Variants in FYCO1 observed in about 807,000 individuals in gnomAD.
FYCO1 encodes the protein FYVE and coiled-coil domain autophagy adaptor 1.
A neutral mutation model predicts 165.1 loss-of-function variants in FYCO1; 122 were observed. That is an observed-to-expected ratio of 0.74 (90% CI 0.64 to 0.86). The LOEUF (loss-of-function observed/expected upper bound fraction) is 0.86, where lower values mean the gene tolerates loss of function less well. Ranked by LOEUF, FYCO1 falls within the 40% of genes least tolerant of loss-of-function variation. FYCO1 has a pLI of 0.00. For missense variants in FYCO1, 1,702 were observed against 1,810.3 expected (o/e 0.94, Z 1.09); for synonymous variants, 648 against 742.5 (o/e 0.87, Z 2.07).
chr3:45,956,382 G>T (rs796219934), intron 13 of FYCO1, among the ~76,000 whole-genome samples: 23 of 146,560 alleles, frequency 1.6e-4, no homozygotes, highest in African/African-American at 5.8e-4. Flanking sequence ...ATAAATAAAT[G>T]AGTAGACAGG....
chr3:45,966,827 G>A lies in FYCO1; in HGVS notation c.2507C>T (p.Ala836Val). ...CTCCTGGACATGGGCTCTGTTAAGG[G>A]CTTCATTCTGCTCCTTCAGCTGCTG... ...LVQQLKEQNE[A>V]LNRAHVQELL... Residue 836 changes from alanine to valine, a missense_variant, in exon 8 of 18, where the codon GCC becomes GTC. Coordinates refer to ENST00000296137, the MANE Select transcript of FYCO1 (RefSeq NM_024513.4). 1 of 1,611,030 alleles carries A rather than the reference G, an allele frequency of 6.2e-7. No individual in the cohort carries two copies. Among genetic ancestry groups the A allele is most frequent in the Non-Finnish European group, 8.5e-7 (1 of 1,180,026 alleles).
chr3:45,980,933 T>C (rs1468024686), intron 3 of FYCO1, among the ~76,000 whole-genome samples: 2 of 152,248 alleles, frequency 1.3e-5, no homozygotes, highest in African/African-American at 2.4e-5. Context: ...CAGTGTTTTT[T>C]ACATCAGCAC....
intron 16 of FYCO1, 134 bp downstream of exon 16, chr3:45,930,934 CATG>C: frequency 1.2e-6 from 1 of 822,618 alleles, no homozygotes; most frequent in East Asian, 2.7e-5. Context: ...GCCTTCTCTG[CATG>C]ATACTGCCCA....
intron 14 of FYCO1, among the ~76,000 whole-genome samples, chr3:45,937,889 T>G (rs995541138): frequency 6.6e-6 from 1 of 152,060 alleles, no homozygotes; most frequent in African/African-American, 2.4e-5. Flanking sequence ...ACAGGGAACA[T>G]CAGTGCAAGA....
chr3:45,966,749 T>C lies in FYCO1; in HGVS notation c.2585A>G (p.Glu862Gly), dbSNP rs1706048228. 6 of 1,610,762 alleles carry C rather than the reference T, an allele frequency of 3.7e-6. No homozygotes were observed. The highest frequency in any genetic ancestry group is 5.1e-6 in the Non-Finnish European group (6 of 1,179,946). Reference protein sequence around the residue: ...EGALQEERADEAQQREEELRA... With the variant: ...EGALQEERADGAQQREEELRA... ...CAGCTCCTCCTCCCTCTGCTGGGCC[T>C]CATCGGCCCTCTCCTCCTGCAGTGC... The change falls in exon 8 of 18, where the codon GAG becomes GGG. Residue 862 changes from glutamate to glycine, a missense_variant. Coordinates refer to ENST00000296137, the MANE Select transcript of FYCO1 (RefSeq NM_024513.4).
chr3:45,946,293 C>T, intron 14 of FYCO1: 1 of 573,472 alleles, frequency 1.7e-6, no homozygotes, highest in Non-Finnish European at 3.1e-6. Context: ...AGCAATTTCC[C>T]CTCAGAATTG....
chr3:45,972,946 G>C (rs917742253), intron 6 of FYCO1, 142 bp downstream of exon 6: 3 of 862,380 alleles, frequency 3.5e-6, no homozygotes, highest in Non-Finnish European at 5.6e-6. Context: ...AACAAAGTCT[G>C]TAAAAGGAGC....
At chr3:45,955,798 G>A (rs980603649) in intron 13 of FYCO1, among the ~76,000 whole-genome samples, 1 of 152,224 alleles carries the variant, frequency 6.6e-6, no homozygotes, top group Non-Finnish European at 1.5e-5. Flanking sequence ...ACTTATTCAT[G>A]TATTTTTGAA....
In FYCO1 at chr3:45,962,270, T is replaced by G. The variant is rs140583835; in HGVS notation, c.3392A>C (p.Asn1131Thr). The change falls in exon 11 of 18, where the codon AAC (asparagine) becomes ACC (threonine). Residue 1131 changes from asparagine (N) to threonine (T), a missense_variant. Transcript: ENST00000296137. The surrounding 1 kb of genome is among the most constrained non-coding windows in gnomAD (Gnocchi z 4.4). ...CTCCTCGAGATACTTCTTGGTTCTG[T>G]TGAGGTCATCCAGGTCAGCAAGCAT... ...QKMLADLDDL[N>T]RTKKYLEERL... 126 of 1,614,238 alleles carry G rather than the reference T, an allele frequency of 7.8e-5. No individual in the cohort carries two copies. In the African/African-American group the frequency reaches 1.5e-3, roughly 19 times the overall value.
rs55911763 is a variant in FYCO1, at chr3:45,937,925, G to A, written c.3945-1382C>T. ...AGCTGCTCAAGGAGCCAGCTTGTGC[G>A]GCCACCCACTTGACAGCAGGGAAGC... On this transcript the variant is annotated intron_variant, in intron 14 of 17. Transcript: ENST00000296137. Among the ~76,000 whole-genome samples, 268 of 152,242 alleles carry A rather than the reference G, an allele frequency of 1.8e-3. 1 individual carries two copies. Among genetic ancestry groups the A allele is most frequent in the Non-Finnish European group, 2.4e-3 (165 of 68,028 alleles).
chr3:45,956,773 A>T (rs1364004158), intron 13 of FYCO1, among the ~76,000 whole-genome samples: 2 of 152,224 alleles, frequency 1.3e-5, no homozygotes, highest in Admixed American at 1.3e-4. Flanking sequence ...AGAAAGTTGT[A>T]TCATGTTCAT....
rs561106505 is a variant in FYCO1, at chr3:45,920,233, G to A, written c.*1532C>T. On this transcript the variant is annotated 3_prime_UTR_variant, in exon 18 of 18. Coordinates refer to ENST00000296137, the MANE Select transcript of FYCO1 (RefSeq NM_024513.4). ...TGGGTTTGGGGTCTCTGTTGGACTT[G>A]GCCTGGAGTCCCTGACCCATTCTCA... The A allele has an allele frequency of 6.6e-6, 1 of 152,338 alleles. No homozygotes were observed. The highest frequency in any genetic ancestry group is 6.5e-5 in the Admixed American group (1 of 15,298). 9.4% of individuals were successfully genotyped at this position (152,338 alleles called of 1,614,324 possible).
At chr3:45,987,298 C>T (rs1707358317) in intron 1 of FYCO1, among the ~76,000 whole-genome samples, 2 of 152,154 alleles carry the variant, frequency 1.3e-5, no homozygotes, top group Non-Finnish European at 2.9e-5. Context: ...GCCTTGATTA[C>T]GGTGATGGTT....
intron 3 of FYCO1, among the ~76,000 whole-genome samples, chr3:45,980,105 T>G (rs530076755): frequency 2.6e-4 from 40 of 152,168 alleles, no homozygotes; most frequent in African/African-American, 9.6e-4. Context: ...ATCCAGCACT[T>G]TGGGAGGCTG....
intron 14 of FYCO1, among the ~76,000 whole-genome samples, chr3:45,944,086 T>C (rs1704421682): frequency 6.6e-6 from 1 of 152,130 alleles, no homozygotes; most frequent in Admixed American, 6.5e-5. Context: ...TAAAATCACA[T>C]AGTTTATCAT....
At chr3:45,969,471 T>C (rs566752001) in intron 7 of FYCO1, among the ~76,000 whole-genome samples, 13 of 152,194 alleles carry the variant, frequency 8.5e-5, no homozygotes, top group Non-Finnish European at 1.8e-4. Context: ...TTTAAAATCA[T>C]TTAGAAGAAT....
Position 45,979,756 on chromosome 3 carries a change from G to A in FYCO1, c.237C>T (p.Ala79=), listed in dbSNP as rs745603396. ...TCCCATCATTGGCTCCTTTCACCTT[G>A]GCCAGGCAGGCACAGAAGTAATCCC... ...DYWDYFCACL[A]KVKGANDGIR... Residue 79 remains alanine (A), a synonymous_variant, in exon 4 of 18, where the codon GCC becomes GCT. Transcript: ENST00000296137. 10 of 1,614,084 alleles carry A rather than the reference G, an allele frequency of 6.2e-6. No homozygotes were observed. Among genetic ancestry groups the A allele is most frequent in the Non-Finnish European group, 8.5e-6 (10 of 1,179,962 alleles).
chr3:45,947,866 G>A, intron 14 of FYCO1: 1 of 251,878 alleles, frequency 4.0e-6, no homozygotes. Context: ...AGCTGTTGAT[G>A]GTAGGTGGCA....
chr3:45,935,106 C>A (rs1423718821), intron 15 of FYCO1, among the ~76,000 whole-genome samples: 1 of 152,290 alleles, frequency 6.6e-6, no homozygotes, highest in Admixed American at 6.5e-5. Flanking sequence ...TATTCTCTCA[C>A]GACCACATCT....
Sources: allele counts gnomAD v4.1 joint callset (sites outside exome capture counted in the v4.1 genomes callset), GRCh38; gene constraint gnomAD v4.1.1; non-coding constraint Gnocchi (gnomAD v3.1); transcripts MANE v1.5; gene names NCBI Gene and HGNC (gene_info 2026-07-23, HGNC 2026-07-21).